The following CALN1 variants were observed in gnomAD, a reference collection of about 807,000 sequenced individuals.
CALN1 encodes calcium-binding protein 8.
Under a neutral mutation model 30.6 loss-of-function variants are expected in CALN1, and 17 were observed. That is an observed-to-expected ratio of 0.56 (90% confidence interval 0.38 to 0.83). The LOEUF is 0.83. Ranked by LOEUF, CALN1 falls within the 40% of genes least tolerant of loss-of-function variation. The pLI is 0.00. For missense variants in CALN1, 291 were observed against 354.9 expected (o/e 0.82, Z 1.45); for synonymous variants, 156 against 131.4 (o/e 1.19, Z -1.28).
At chr7:72,052,949 G>A (rs1262290131) in intron 4 of CALN1, among the ~76,000 whole-genome samples, 1 of 152,166 alleles carries the variant, frequency 6.6e-6, no homozygotes, top group Non-Finnish European at 1.5e-5. Flanking sequence ...AGAGGCCAAG[G>A]CCAGGTGCGG....
At chr7:71,813,095 C>T (rs1486576155) in intron 5 of CALN1, among the ~76,000 whole-genome samples, 1 of 151,976 alleles carries the variant, frequency 6.6e-6, no homozygotes, top group East Asian at 1.9e-4. Context: ...ATTACAGGCA[C>T]ACACCACCAC....
chr7:72,080,055 G>A (rs1176459130), intron 4 of CALN1, among the ~76,000 whole-genome samples: 1 of 152,170 alleles, frequency 6.6e-6, no homozygotes, highest in Non-Finnish European at 1.5e-5. Context: ...ACAGGCGTAA[G>A]CCACCGCACC....
At chr7:72,112,120 A>T (rs1280398568) in intron 3 of CALN1, among the ~76,000 whole-genome samples, 3 of 152,152 alleles carry the variant, frequency 2.0e-5, no homozygotes, top group Non-Finnish European at 2.9e-5. Flanking sequence ...CAGCTCCATG[A>T]TGCTTCCTAA....
At chr7:72,451,505 G>A (rs369534314), upstream of CALN1, among the ~76,000 whole-genome samples, 14 of 152,104 alleles carry the variant, frequency 9.2e-5, no homozygotes, top group East Asian at 2.5e-3. Flanking sequence ...AACTCTCCTG[G>A]GGCCCCTAGG....
intron 6 of CALN1, among the ~76,000 whole-genome samples, chr7:71,800,478 C>G (rs980553224): frequency 6.6e-6 from 1 of 152,118 alleles, no homozygotes; most frequent in Non-Finnish European, 1.5e-5. Context: ...TTGGTGATTT[C>G]GCTTTACTTG....
intron 3 of CALN1, among the ~76,000 whole-genome samples, chr7:72,241,886 T>C (rs1427875287): frequency 2.0e-5 from 3 of 152,134 alleles, no homozygotes; most frequent in African/African-American, 7.2e-5. Flanking sequence ...CTCTCTCTCT[T>C]TTTAGTCATT....
chr7:71,842,529 C>T (rs190090030), intron 5 of CALN1, among the ~76,000 whole-genome samples: 1 of 152,304 alleles, frequency 6.6e-6, no homozygotes. Flanking sequence ...AAGAGCAAGA[C>T]ATCCACGTTT....
intron 3 of CALN1, among the ~76,000 whole-genome samples, chr7:72,203,474 G>A (rs1221042345): frequency 6.6e-6 from 1 of 152,138 alleles, no homozygotes; most frequent in Non-Finnish European, 1.5e-5. Context: ...GGTGGGCTAA[G>A]GACTGCCAGG....
chr7:71,980,578 C>T (rs1055142209), intron 5 of CALN1, among the ~76,000 whole-genome samples: 2 of 152,098 alleles, frequency 1.3e-5, no homozygotes, highest in Non-Finnish European at 2.9e-5. Flanking sequence ...GGTTCTTATC[C>T]TCAAGTAACT....
chr7:72,108,749 C>T (rs774104205), intron 3 of CALN1, among the ~76,000 whole-genome samples: 3 of 150,752 alleles, frequency 2.0e-5, no homozygotes, highest in Non-Finnish European at 2.9e-5. Context: ...CTCACCATGC[C>T]GCAAGACACA....
intron 5 of CALN1, among the ~76,000 whole-genome samples, chr7:71,899,784 A>G (rs1006374923): frequency 6.6e-6 from 1 of 152,226 alleles, no homozygotes. Context: ...AAATGTCACC[A>G]TATGGATGCA....
At chr7:71,834,032 G>A (rs1410374143) in intron 5 of CALN1, among the ~76,000 whole-genome samples, 1 of 151,878 alleles carries the variant, frequency 6.6e-6, no homozygotes, top group Admixed American at 6.6e-5. Context: ...GACCATCCTG[G>A]TCAACATGGT....
In CALN1 at chr7:72,205,542, C is replaced by CAAAAAAAA. The variant is rs375314989; in HGVS notation, c.244+73136_244+73143dup. On this transcript the variant is annotated intron_variant, in intron 3 of 6. Transcript: ENST00000395275. Reference sequence around the variant, plus strand: ...GTCAGAAGTATTTTTCTCCTGATTGCAAAAAAAAAATATATATATATATAT... The same window carrying CAAAAAAAA: ...GTCAGAAGTATTTTTCTCCTGATTGCAAAAAAAAAAAAAAAAAATATATATATATATAT... Among the ~76,000 whole-genome samples, 39 of 53,114 alleles carry CAAAAAAAA rather than the reference C, an allele frequency of 7.3e-4. 1 individual carries two copies. The highest frequency in any genetic ancestry group is 4.0e-3 in the African/African-American group (39 of 9,830). 34.8% of individuals were successfully genotyped at this position (53,114 alleles called of 152,430 possible). A position where few individuals can be genotyped will look rare whatever the true frequency, so the allele number is the denominator to read the frequency against.
intron 2 of CALN1, among the ~76,000 whole-genome samples, chr7:72,344,071 G>A (rs1020263162): frequency 2.0e-5 from 3 of 151,966 alleles, no homozygotes; most frequent in African/African-American, 4.8e-5. Context: ...TAGAGACAGA[G>A]TCTCACTCTG....
intron 3 of CALN1, among the ~76,000 whole-genome samples, chr7:72,123,480 C>T (rs762634395): frequency 3.3e-5 from 5 of 152,188 alleles, no homozygotes; most frequent in Admixed American, 2.6e-4. Flanking sequence ...CACGCGTAAA[C>T]ACCGCGCCAT....
chr7:71,914,413 A>G (rs185444504), intron 5 of CALN1, among the ~76,000 whole-genome samples: 69 of 152,302 alleles, frequency 4.5e-4, no homozygotes, highest in Non-Finnish European at 8.5e-4. Context: ...ATAGTATTCC[A>G]TGGTGTAGAT....
chr7:72,286,314 C>T (rs543017434), intron 2 of CALN1, among the ~76,000 whole-genome samples: 2 of 152,134 alleles, frequency 1.3e-5, no homozygotes, highest in African/African-American at 4.8e-5. Flanking sequence ...TTTTTTTCCT[C>T]TAGCTACTCA....
the CALN1 span, among the ~76,000 whole-genome samples, chr7:72,482,687 T>C: frequency 1.3e-5 from 2 of 152,170 alleles, no homozygotes. Context: ...CCATATGTTA[T>C]AAATCCAATA....
Position 71,787,850 on chromosome 7 carries a change from G to T in CALN1, c.711C>A (p.Cys237Ter). Residue 237 changes from cysteine (C) to a stop codon, truncating the protein, a stop_gained, in exon 7 of 7, where the codon TGC becomes TGA. Coordinates refer to ENST00000395275, the MANE Select transcript of CALN1 (RefSeq NM_031468.4). LOFTEE classifies it high-confidence loss of function. ...RQTCVRKSLICAFAMAFIISV... is the reference protein window; with the variant it reads ...RQTCVRKSLI ...TGATGATGAAGGCCATAGCAAAGGC[G>T]CATATGAGGCTCTTCCGGACGCAGG... 6.2e-7 allele frequency: 1 copy of T among 1,614,122 alleles called. No homozygotes were observed. Among genetic ancestry groups the T allele is most frequent in the Non-Finnish European group, 8.5e-7 (1 of 1,180,030 alleles).
Sources: gnomAD v4.1 joint callset for allele counts (sites outside exome capture counted in the v4.1 genomes callset) on GRCh38, gnomAD v4.1.1 for gene constraint, MANE v1.5 for transcripts, NCBI Gene and HGNC (gene_info 2026-07-23, HGNC 2026-07-21) for gene names.